C1GALT1: variants seen among roughly 807,000 people sequenced by gnomAD.
C1GALT1 encodes the protein core 1 synthase, glycoprotein-N-acetylgalactosamine 3-beta-galactosyltransferase 1.
C1GALT1 carries 11 observed loss-of-function variants against 31.0 expected under a neutral mutation model. The observed-to-expected ratio is 0.36, with a 90% CI of 0.22 to 0.59. The LOEUF is 0.59. Among genes scored for constraint, C1GALT1 ranks in the 20% least tolerant of loss-of-function variants. The probability of loss-of-function intolerance (pLI) is 0.79; values close to 1 mark genes in which losing one functional copy is unlikely to be tolerated. For missense variants in C1GALT1, 424 were observed against 425.2 expected (o/e 1.00, Z 0.03); for synonymous variants, 175 against 143.6 (o/e 1.22, Z -1.56).
chr7:7,201,292 T>C (rs1313426883), intron 1 of C1GALT1, among the ~76,000 whole-genome samples: 1 of 152,218 alleles, frequency 6.6e-6, no homozygotes, highest in Non-Finnish European at 1.5e-5. Context: ...TTAGCCTGGT[T>C]ATCACCAGCG....
chr7:7,199,899 C>T (rs1229503692), intron 1 of C1GALT1, among the ~76,000 whole-genome samples: 1 of 152,076 alleles, frequency 6.6e-6, no homozygotes, highest in Non-Finnish European at 1.5e-5. Context: ...CTTGTTAGAT[C>T]TTCCTCCATC....
At chr7:7,199,993 C>G (rs1293257075) in intron 1 of C1GALT1, among the ~76,000 whole-genome samples, 1 of 152,092 alleles carries the variant, frequency 6.6e-6, no homozygotes. Context: ...ACTCTTTATC[C>G]AGTTTGCCAG....
In C1GALT1 at chr7:7,165,442, A is replaced by T. The variant is rs537261257; in HGVS notation, c.-18+8016A>T. On this transcript the variant is annotated intron_variant, in intron 2 of 3. Transcript: ENST00000429911. ...AGTTACGCTAAGGGAATAAGAAAAA[A>T]ATTGTGTCCATATTTGGATTAAAGA... 2.8e-4 allele frequency among the ~76,000 whole-genome samples: 42 copies of T among 152,280 alleles called. No homozygotes were observed. In the South Asian group the frequency reaches 8.7e-3, roughly 32 times the overall value.
At chr7:7,187,278 C>A (rs1780859435) in intron 1 of C1GALT1, among the ~76,000 whole-genome samples, 1 of 150,644 alleles carries the variant, frequency 6.6e-6, no homozygotes, top group Admixed American at 6.6e-5. Flanking sequence ...GAGACGGAGT[C>A]TCACTCTGTC....
intron 1 of C1GALT1, among the ~76,000 whole-genome samples, chr7:7,215,450 A>G (rs1384154159): frequency 6.7e-6 from 1 of 148,168 alleles, no homozygotes; most frequent in Admixed American, 6.6e-5. Context: ...TTTTGCCAGC[A>G]TATCAGGCTT....
chr7:7,226,811 A>C (rs1321917420), intron 1 of C1GALT1, among the ~76,000 whole-genome samples: 1 of 152,218 alleles, frequency 6.6e-6, no homozygotes, highest in Non-Finnish European at 1.5e-5. Flanking sequence ...ATGTAGATCC[A>C]GGATTAAGCA....
intron 2 of C1GALT1, among the ~76,000 whole-genome samples, chr7:7,164,277 A>T (rs2128226697): frequency 6.6e-6 from 1 of 152,332 alleles, no homozygotes; most frequent in African/African-American, 2.4e-5. Flanking sequence ...TAGAAAGCTG[A>T]AACTGGATCC....
chr7:7,228,245 T>C lies in C1GALT1; in HGVS notation c.-17-6058T>C, dbSNP rs74615694. ...GATTTCTTCCTTCTAAATCCTTTTTTAACAATGAATAGCATAAAGCTGTCC... is the reference window on the plus strand; with the variant it reads ...GATTTCTTCCTTCTAAATCCTTTTTCAACAATGAATAGCATAAAGCTGTCC... On this transcript the variant is annotated intron_variant, in intron 1 of 3. Coordinates refer to ENST00000436587, the MANE Select transcript of C1GALT1 (RefSeq NM_020156.5). Among the ~76,000 whole-genome samples, 693 of 152,348 alleles carry C rather than the reference T, an allele frequency of 4.5e-3. 7 individuals are homozygous for C. The highest frequency in any genetic ancestry group is 0.014 in the African/African-American group (566 of 41,578).
intron 2 of C1GALT1, among the ~76,000 whole-genome samples, chr7:7,168,987 C>T (rs1280707801): frequency 6.6e-6 from 1 of 152,150 alleles, no homozygotes; most frequent in Non-Finnish European, 1.5e-5. Flanking sequence ...GCTTTTCCAG[C>T]ACCCAAAACA....
At chr7:7,186,022 T>C (rs1366809116) in intron 1 of C1GALT1, among the ~76,000 whole-genome samples, 1 of 147,912 alleles carries the variant, frequency 6.8e-6, no homozygotes, top group African/African-American at 2.6e-5. Flanking sequence ...TTAGGAAGGC[T>C]GAAAAGTCCT....
At chr7:7,206,708 T>G (rs533468442) in intron 1 of C1GALT1, among the ~76,000 whole-genome samples, 3 of 151,684 alleles carry the variant, frequency 2.0e-5, no homozygotes, top group African/African-American at 7.2e-5. Flanking sequence ...ATGTCTCAGC[T>G]TTTGTTTTAA....
At chr7:7,169,663 C>G (rs1780431834) in intron 2 of C1GALT1, among the ~76,000 whole-genome samples, 1 of 151,892 alleles carries the variant, frequency 6.6e-6, no homozygotes, top group Admixed American at 6.6e-5. Context: ...TGCTTATTAG[C>G]CATTTGTACA....
intron 1 of C1GALT1, among the ~76,000 whole-genome samples, chr7:7,207,243 A>T: frequency 7.2e-6 from 1 of 138,154 alleles, no homozygotes; most frequent in East Asian, 2.3e-4. Flanking sequence ...TCTCTAGTGG[A>T]TTTTTAATTT....
chr7:7,223,597 T>G (rs140998050), intron 1 of C1GALT1, among the ~76,000 whole-genome samples: 2 of 152,332 alleles, frequency 1.3e-5, no homozygotes, highest in East Asian at 3.9e-4. Flanking sequence ...TTTTGGCATG[T>G]GTATCTTATA....
chr7:7,195,721 C>G (rs1440828033), intron 1 of C1GALT1, among the ~76,000 whole-genome samples: 1 of 152,072 alleles, frequency 6.6e-6, no homozygotes, highest in Non-Finnish European at 1.5e-5. Context: ...CATTGTATCT[C>G]TATTGATTTT....
chr7:7,237,344 A>G (rs1198621250), intron 2 of C1GALT1, among the ~76,000 whole-genome samples: 8 of 152,178 alleles, frequency 5.3e-5, no homozygotes. Flanking sequence ...GCACAAGATA[A>G]TGAGGTTACA....
At chr7:7,181,203 G>GTTT (rs1250154452), upstream of C1GALT1, among the ~76,000 whole-genome samples, 1 of 152,020 alleles carries the variant, frequency 6.6e-6, no homozygotes, top group Non-Finnish European at 1.5e-5. Flanking sequence ...TTGCGGAAAG[G>GTTT]TGGAAGGATG....
intron 1 of C1GALT1, among the ~76,000 whole-genome samples, chr7:7,222,879 A>G (rs1468059624): frequency 6.9e-6 from 1 of 144,614 alleles, no homozygotes; most frequent in African/African-American, 2.7e-5. Context: ...TTATAATTCA[A>G]TCTGTATGAC....
intron 1 of C1GALT1, among the ~76,000 whole-genome samples, chr7:7,198,945 C>T (rs969743860): frequency 6.6e-6 from 1 of 152,080 alleles, no homozygotes; most frequent in African/African-American, 2.4e-5. Flanking sequence ...ATTAGTCTTG[C>T]TAGCGGTCTA....
Sources: gnomAD v4.1 joint callset for allele counts (sites outside exome capture counted in the v4.1 genomes callset) on GRCh38, gnomAD v4.1.1 for gene constraint, MANE v1.5 for transcripts, NCBI Gene and HGNC (gene_info 2026-07-23, HGNC 2026-07-21) for gene names.